PGAP4: variants seen among roughly 807,000 people sequenced by gnomAD.
PGAP4 encodes post-GPI attachment to proteins GalNAc transferase 4.
PGAP4 carries 12 observed loss-of-function variants against 28.2 expected under a neutral mutation model. The observed-to-expected ratio is 0.42, with a 90% CI of 0.27 to 0.69. The LOEUF (loss-of-function observed/expected upper bound fraction) is 0.69, where lower values mean the gene tolerates loss of function less well. Among genes scored for constraint, PGAP4 ranks in the 30% least tolerant of loss-of-function variants. PGAP4 has a pLI of 0.22. For missense variants in PGAP4, 425 were observed against 513.5 expected (o/e 0.83, Z 1.67); for synonymous variants, 205 against 211.8 (o/e 0.97, Z 0.28).
intron 2 of PGAP4, among the ~76,000 whole-genome samples, chr9:101,516,672 A>C (rs1192587262): frequency 6.6e-6 from 1 of 152,218 alleles, no homozygotes; most frequent in East Asian, 1.9e-4. Context: ...ACCATCCTGC[A>C]GACCTAGTTC....
At chr9:101,530,630 T>C (rs1462719438) in intron 2 of PGAP4, among the ~76,000 whole-genome samples, 1 of 152,198 alleles carries the variant, frequency 6.6e-6, no homozygotes, top group Non-Finnish European at 1.5e-5. Flanking sequence ...CAGAAATGAA[T>C]GGGGAATGCA....
chr9:101,502,460 C>G (rs1325816891), intron 2 of PGAP4, among the ~76,000 whole-genome samples: 3 of 151,974 alleles, frequency 2.0e-5, no homozygotes, highest in African/African-American at 7.2e-5. Flanking sequence ...TGAGACTCTT[C>G]CCCCTCACCC....
intron 2 of PGAP4, among the ~76,000 whole-genome samples, chr9:101,510,948 T>C (rs1465619121): frequency 6.6e-6 from 1 of 152,192 alleles, no homozygotes; most frequent in Non-Finnish European, 1.5e-5. Context: ...AGGGTTTTGA[T>C]ATGAGTCTAC....
chr9:101,518,005 C>T (rs749383363), intron 2 of PGAP4, among the ~76,000 whole-genome samples: 3 of 152,044 alleles, frequency 2.0e-5, no homozygotes, highest in Non-Finnish European at 2.9e-5. Flanking sequence ...AGCACAGCAC[C>T]CAATAGGTCA....
intron 2 of PGAP4, among the ~76,000 whole-genome samples, chr9:101,517,478 A>C (rs1245240452): frequency 6.6e-6 from 1 of 152,222 alleles, no homozygotes; most frequent in Non-Finnish European, 1.5e-5. Context: ...TTTTTGTTTC[A>C]TTAGCAGGAA....
exon 1 of PGAP4, chr9:101,533,337 C>T (rs1827126915): frequency 6.6e-6 from 1 of 152,304 alleles, no homozygotes; most frequent in South Asian, 2.1e-4. Context: ...AATGTGTAGA[C>T]AGGGCAGAAT....
intron 2 of PGAP4, among the ~76,000 whole-genome samples, chr9:101,509,289 G>A (rs1428290339): frequency 1.3e-5 from 2 of 152,116 alleles, no homozygotes; most frequent in African/African-American, 2.4e-5. Flanking sequence ...AAATCCCCAC[G>A]TTCACTAGTG....
intron 2 of PGAP4, among the ~76,000 whole-genome samples, chr9:101,499,902 A>G (rs1826782505): frequency 6.6e-6 from 1 of 152,034 alleles, no homozygotes; most frequent in Non-Finnish European, 1.5e-5. Context: ...CTATTTTGTA[A>G]GCACAAAGAC....
rs530130348 is a variant in PGAP4 at position 101,492,288 on chromosome 9, G to T, written c.-164-3088C>A. 2.2e-3 allele frequency among the ~76,000 whole-genome samples: 332 copies of T among 152,050 alleles called. 3 individuals are homozygous for T. The highest frequency in any genetic ancestry group is 3.7e-3 in the Non-Finnish European group (252 of 67,970). ...GGCTCACTGCAACCTCTGCCTCCCG[G>T]GTTCAAGCGATTCTCCTGCCTCAGC... On this transcript the variant is annotated intron_variant, in intron 2 of 3. Coordinates refer to the PGAP4 transcript ENST00000374851.
At chr9:101,518,115 A>G (rs1002180787) in intron 2 of PGAP4, among the ~76,000 whole-genome samples, 3 of 152,108 alleles carry the variant, frequency 2.0e-5, no homozygotes, top group Admixed American at 1.3e-4. Flanking sequence ...ACTTCCACTT[A>G]TAAGTGAGAA....
intron 2 of PGAP4, among the ~76,000 whole-genome samples, chr9:101,526,605 A>G (rs1177892193): frequency 3.3e-5 from 5 of 152,080 alleles, no homozygotes; most frequent in Non-Finnish European, 4.4e-5. Context: ...ATGCGCCACC[A>G]TGCCTGGCTA....
intron 1 of PGAP4, among the ~76,000 whole-genome samples, chr9:101,484,984 T>C (rs1929483): frequency 0.042 from 6,369 of 152,308 alleles, 180 homozygotes; most frequent in Admixed American, 0.08. Context: ...ATAATCATAA[T>C]TAAGCATTTG....
upstream of PGAP4, among the ~76,000 whole-genome samples, chr9:101,488,264 C>A (rs944834292): frequency 6.6e-6 from 1 of 152,260 alleles, no homozygotes; most frequent in African/African-American, 2.4e-5. Context: ...AAACCTATAT[C>A]TGAGGCTGGA....
intron 1 of PGAP4, chr9:101,480,814 A>G (rs1230581765): frequency 6.6e-6 from 1 of 152,230 alleles, no homozygotes; most frequent in Non-Finnish European, 1.5e-5. Context: ...GATTTAACCA[A>G]TTGTTGCACA....
intron 2 of PGAP4, among the ~76,000 whole-genome samples, chr9:101,498,765 C>T (rs1826773539): frequency 6.6e-6 from 1 of 151,864 alleles, no homozygotes. Context: ...TTAAGAGCAA[C>T]AAAACTATAA....
intron 2 of PGAP4, among the ~76,000 whole-genome samples, chr9:101,518,803 A>G (rs1303527388): frequency 6.6e-6 from 1 of 151,966 alleles, no homozygotes; most frequent in African/African-American, 2.4e-5. Context: ...TTTTCATATG[A>G]CTTCTTTTCC....
At chr9:101,503,250 T>C (rs954183347) in intron 2 of PGAP4, among the ~76,000 whole-genome samples, 6 of 152,074 alleles carry the variant, frequency 3.9e-5, no homozygotes, top group Non-Finnish European at 5.9e-5. Context: ...AAGTTAAAGA[T>C]GGCAAAGCAA....
chr9:101,523,694 C>T (rs561478161), intron 2 of PGAP4, among the ~76,000 whole-genome samples: 139 of 129,246 alleles, frequency 1.1e-3, no homozygotes, highest in Non-Finnish European at 1.3e-3. Flanking sequence ...TGGTCCCTCC[C>T]TGATTAGCTT....
chr9:101,486,417 G>T lies in PGAP4; in HGVS notation c.-78+532C>A, dbSNP rs1325123986. Among the ~76,000 whole-genome samples, 1 of 152,262 alleles carries T rather than the reference G, an allele frequency of 6.6e-6. No individual in the cohort carries two copies. The highest frequency in any genetic ancestry group is 1.5e-5 in the Non-Finnish European group (1 of 68,010). On this transcript the variant is annotated intron_variant, in intron 1 of 1. Coordinates refer to ENST00000374848, the MANE Select transcript of PGAP4 (RefSeq NM_032342.3). The surrounding 1 kb of genome is among the most constrained non-coding windows in gnomAD (Gnocchi z 4.7). Reference sequence around the variant, plus strand: ...TCCCCCAGCCCTTGGCTGCGAGGTCGCCCGCAGAAACCCAACACTGCTGCC... The same window carrying T: ...TCCCCCAGCCCTTGGCTGCGAGGTCTCCCGCAGAAACCCAACACTGCTGCC...
Sources: allele counts gnomAD v4.1 joint callset (sites outside exome capture counted in the v4.1 genomes callset), GRCh38; gene constraint gnomAD v4.1.1; non-coding constraint Gnocchi (gnomAD v3.1); transcripts MANE v1.5; gene names NCBI Gene and HGNC (gene_info 2026-07-23, HGNC 2026-07-21).